Variants in KSR2 observed in about 807,000 individuals in gnomAD.
KSR2 encodes the protein kinase suppressor of ras 2.
In KSR2, 25 loss-of-function variants were observed where a neutral mutation model predicts 107.8. That is an observed-to-expected ratio of 0.23 (90% CI 0.17 to 0.32). The LOEUF is 0.32. Ranked by LOEUF, KSR2 falls within the 10% of genes least tolerant of loss-of-function variation. The pLI, the probability that KSR2 is intolerant of heterozygous loss-of-function variation, is 1.00. For synonymous variants in KSR2, 480 were observed against 507.0 expected (o/e 0.95, Z 0.71); for missense variants, 887 against 1,268.9 (o/e 0.70, Z 4.57).
intron 1 of KSR2, among the ~76,000 whole-genome samples, chr12:117,941,586 C>CCTGAAGCTA (rs2137535363): frequency 7.0e-6 from 1 of 142,714 alleles, no homozygotes; most frequent in South Asian, 2.2e-4. Context: ...AGTTGTCATT[C>CCTGAAGCTA]CTGAAGCTAT....
At chr12:117,928,844 A>G (rs1269852242) in intron 1 of KSR2, among the ~76,000 whole-genome samples, 1 of 150,074 alleles carries the variant, frequency 6.7e-6, no homozygotes, top group Non-Finnish European at 1.5e-5. Context: ...TGAGGTAGAC[A>G]TCGCAAATGG....
At chr12:117,894,202 G>T (rs1429615588) in intron 1 of KSR2, among the ~76,000 whole-genome samples, 1 of 152,026 alleles carries the variant, frequency 6.6e-6, no homozygotes, top group African/African-American at 2.4e-5. Context: ...AGCCACCGGC[G>T]CCCGGCCAAA....
chr12:117,605,045 G>A (rs1180860713), intron 5 of KSR2, among the ~76,000 whole-genome samples: 2 of 152,178 alleles, frequency 1.3e-5, no homozygotes, highest in East Asian at 3.8e-4. Flanking sequence ...TATATCCAAG[G>A]ATTCTAATCT....
rs527699284 is a variant in KSR2 at position 117,901,511 on chromosome 12, C to T, written c.181-41080G>A. Among the ~76,000 whole-genome samples the T allele has an allele frequency of 1.4e-3, 215 of 152,152 alleles. 1 individual carries two copies. Among genetic ancestry groups the T allele is most frequent in the African/African-American group, 4.9e-3 (205 of 41,526 alleles). Reference sequence around the variant, plus strand: ...AGAAATGAGGTTTCACCATATTGCCCAGGCTGGTCTCGAACTCCTGACTTC... The same window carrying T: ...AGAAATGAGGTTTCACCATATTGCCTAGGCTGGTCTCGAACTCCTGACTTC... On this transcript the variant is annotated intron_variant, in intron 1 of 19. Coordinates refer to ENST00000339824, the MANE Select transcript of KSR2 (RefSeq NM_173598.6).
At chr12:117,555,045 A>G in intron 9 of KSR2, 124 bp downstream of exon 9, 2 of 1,159,654 alleles carry the variant, frequency 1.7e-6, no homozygotes, top group Non-Finnish European at 2.5e-6. Context: ...ACATCACAGA[A>G]TTAGGGGAGC....
chr12:117,581,715 G>A (rs1411967822), intron 6 of KSR2, among the ~76,000 whole-genome samples: 3 of 152,170 alleles, frequency 2.0e-5, no homozygotes, highest in African/African-American at 4.8e-5. Flanking sequence ...TAAAAGGGCA[G>A]GTATAGCCCT....
chr12:117,593,809 C>G (rs80191893), intron 5 of KSR2, among the ~76,000 whole-genome samples: 2,089 of 152,350 alleles, frequency 0.014, 45 homozygotes, highest in African/African-American at 0.048. Context: ...TTAGCTGTCT[C>G]TCTTCCTGGC....
intron 1 of KSR2, 69 bp from the exon 2 acceptor site, chr12:117,860,500 C>A: frequency 1.4e-6 from 2 of 1,463,840 alleles, no homozygotes; most frequent in African/African-American, 1.4e-5. Context: ...GAGGCGAGAA[C>A]CCCCTACGAA....
intron 10 of KSR2, among the ~76,000 whole-genome samples, chr12:117,538,103 CTT>C: frequency 6.6e-6 from 1 of 151,316 alleles, no homozygotes; most frequent in East Asian, 2.0e-4. Context: ...GTCTAACGGT[CTT>C]TTTTTTTCCC....
At chr12:117,738,051 G>A (rs1888011991) in intron 4 of KSR2, among the ~76,000 whole-genome samples, 1 of 152,128 alleles carries the variant, frequency 6.6e-6, no homozygotes, top group Non-Finnish European at 1.5e-5. Flanking sequence ...AAGCACAGCA[G>A]TTAAAACCCA....
chr12:117,628,921 C>T (rs1467942699), intron 5 of KSR2, among the ~76,000 whole-genome samples: 1 of 152,268 alleles, frequency 6.6e-6, no homozygotes, highest in Non-Finnish European at 1.5e-5. Context: ...GGCTGCCCCT[C>T]CCCTAGCCAG....
intron 4 of KSR2, among the ~76,000 whole-genome samples, chr12:117,748,471 A>T (rs916533380): frequency 6.6e-5 from 10 of 152,200 alleles, no homozygotes; most frequent in African/African-American, 2.4e-4. Context: ...AATAATAAGT[A>T]TGTAAGATGA....
chr12:117,784,413 C>G (rs527767364), intron 3 of KSR2, among the ~76,000 whole-genome samples: 2 of 152,340 alleles, frequency 1.3e-5, no homozygotes, highest in African/African-American at 4.8e-5. Flanking sequence ...GCCTCCCCAG[C>G]CACGTGGAAC....
In KSR2 at chr12:117,454,190, T is replaced by G. The variant is rs569048155; in HGVS notation, c.*13009A>C. 6.6e-6 allele frequency: 1 copy of G among 152,314 alleles called. No individual in the cohort carries two copies. Among genetic ancestry groups the G allele is most frequent in the African/African-American group, 2.4e-5 (1 of 41,558 alleles). The allele number at this position is 152,314 out of a possible 1,614,324, so 9.4% of individuals were successfully genotyped here. On this transcript the variant is annotated 3_prime_UTR_variant, in exon 20 of 20. Coordinates refer to ENST00000339824, the MANE Select transcript of KSR2 (RefSeq NM_173598.6). ...AGGTATTGCGTAACGTTATTGACAT[T>G]CATTATTTCATTCACTCCCTCCAAT...
chr12:117,737,270 A>G (rs1265827669), intron 4 of KSR2, among the ~76,000 whole-genome samples: 1 of 152,222 alleles, frequency 6.6e-6, no homozygotes, highest in East Asian at 1.9e-4. Flanking sequence ...TAGTTTTTAT[A>G]TTTTATTTTC....
chr12:117,777,551 T>C (rs899166869), intron 3 of KSR2, among the ~76,000 whole-genome samples: 1 of 152,140 alleles, frequency 6.6e-6, no homozygotes, highest in Non-Finnish European at 1.5e-5. Context: ...AAGTATTGAT[T>C]TAAGGGTTAC....
chr12:117,466,497 C>A lies in KSR2; in HGVS notation c.*702G>T, dbSNP rs1443297941. On this transcript the variant is annotated 3_prime_UTR_variant, in exon 20 of 20. Transcript: ENST00000339824. The stretch of plus-strand genomic sequence containing the variant: ...TGGGGGAATAGGTCCCCCAGAGAGA[C>A]CCAGAACTCAAAAGACGTTCTAACT... 1 of 152,226 alleles carries A rather than the reference C, an allele frequency of 6.6e-6. No individual in the cohort carries two copies. The highest frequency in any genetic ancestry group is 1.5e-5 in the Non-Finnish European group (1 of 68,054). 9.4% of individuals were successfully genotyped at this position (152,226 alleles called of 1,614,324 possible). A position where few individuals can be genotyped will look rare whatever the true frequency, so the allele number is the denominator to read the frequency against.
chr12:117,548,011 C>T (rs925524725), intron 9 of KSR2, among the ~76,000 whole-genome samples: 2 of 151,936 alleles, frequency 1.3e-5, no homozygotes, highest in South Asian at 2.1e-4. Flanking sequence ...GCAGGAGAAT[C>T]GCTTGAACCC....
intron 1 of KSR2, among the ~76,000 whole-genome samples, chr12:117,864,577 C>T (rs1295083804): frequency 6.6e-6 from 1 of 152,154 alleles, no homozygotes; most frequent in Non-Finnish European, 1.5e-5. Context: ...ATTCGAACAG[C>T]AAACATTTCC....
Sources: gnomAD v4.1 joint callset for allele counts (sites outside exome capture counted in the v4.1 genomes callset) on GRCh38, gnomAD v4.1.1 for gene constraint, MANE v1.5 for transcripts, NCBI Gene and HGNC (gene_info 2026-07-23, HGNC 2026-07-21) for gene names.